PIP4K2C: variants seen among roughly 807,000 people sequenced by gnomAD.
PIP4K2C encodes phosphatidylinositol 5-phosphate 4-kinase type-2 gamma.
A neutral mutation model predicts 45.0 loss-of-function variants in PIP4K2C; 21 were observed. The ratio of observed to expected loss-of-function variants is 0.47; its 90% CI spans 0.33 to 0.67. The LOEUF (loss-of-function observed/expected upper bound fraction) is 0.67. PIP4K2C is among the 30% of genes least tolerant of loss of function. The pLI is 0.02. For synonymous variants in PIP4K2C, 201 were observed against 204.8 expected (o/e 0.98, Z 0.16); for missense variants, 456 against 542.8 (o/e 0.84, Z 1.59).
In PIP4K2C at chr12:57,599,048, C is replaced by G. The variant is rs762831731; in HGVS notation, c.514-17C>G. On this transcript the variant is annotated splice_polypyrimidine_tract_variant and intron_variant, in intron 4 of 9. Coordinates refer to ENST00000354947, the MANE Select transcript of PIP4K2C (RefSeq NM_024779.5). ...CTACTCAGCCTCTCCCCATTCCTTC[C>G]CCCTCTTTCACTGTAGTACATTGTG... 5 of 1,611,890 alleles carry G rather than the reference C, an allele frequency of 3.1e-6. No homozygotes were observed. Among genetic ancestry groups the G allele is most frequent in the Non-Finnish European group, 4.2e-6 (5 of 1,178,516 alleles).
chr12:57,600,500 C>T, intron 7 of PIP4K2C, 63 bp downstream of exon 7: 2 of 1,137,444 alleles, frequency 1.8e-6, no homozygotes, highest in Non-Finnish European at 2.6e-6. Context: ...GTAGTTGTCT[C>T]TTTCATTCAC....
In PIP4K2C at chr12:57,595,965, G is replaced by C; in HGVS notation, c.447G>C (p.Leu149=). The C allele has an allele frequency of 6.2e-7, 1 of 1,613,852 alleles. No individual in the cohort carries two copies. The highest frequency in any genetic ancestry group is 1.7e-5 in the Admixed American group (1 of 60,004). ...GRFLISYDRT[L]VIKEVSSEDI... is the part of the protein sequence containing the mutation. Reference sequence around the variant, plus strand: ...TCCTTATCTCCTACGATCGGACTCTGGTCATCAAAGAAGTATCCAGTGAGG... The same window carrying C: ...TCCTTATCTCCTACGATCGGACTCTCGTCATCAAAGAAGTATCCAGTGAGG... The change falls in exon 4 of 10, where the codon CTG becomes CTC. Residue 149 remains leucine, a synonymous_variant. Coordinates refer to ENST00000354947, the MANE Select transcript of PIP4K2C (RefSeq NM_024779.5).
At chr12:57,593,666 G>T (rs1883058621) in intron 1 of PIP4K2C, among the ~76,000 whole-genome samples, 1 of 132,174 alleles carries the variant, frequency 7.6e-6, no homozygotes, top group South Asian at 2.5e-4. Context: ...GCTGCCTTGA[G>T]CTTGCAGAGT....
At chr12:57,596,078 C>T in intron 4 of PIP4K2C, 47 bp downstream of exon 4, 1 of 1,576,872 alleles carries the variant, frequency 6.3e-7, no homozygotes, top group Non-Finnish European at 8.7e-7. Flanking sequence ...TCCCTACTCA[C>T]ATATAGCTCA....
At chr12:57,598,182 A>G (rs144791624) in intron 4 of PIP4K2C, 2,380 of 152,254 alleles carry the variant, frequency 0.016, 32 homozygotes, top group Non-Finnish European at 0.018. Context: ...AGTAGCTGGG[A>G]TTACAGGTGT....
intron 9 of PIP4K2C, 45 bp from the exon 10 acceptor site, chr12:57,601,481 G>C: frequency 6.4e-7 from 1 of 1,568,608 alleles, no homozygotes; most frequent in Non-Finnish European, 8.8e-7. Flanking sequence ...GATGGGGACG[G>C]GTGCTAGGGT....
At position 57,601,254 on chromosome 12, in the gene PIP4K2C, A is replaced by G. The variant is rs746604542; in HGVS notation, c.1091A>G (p.Gln364Arg). 2 of 1,612,576 alleles carry G rather than the reference A, an allele frequency of 1.2e-6. No homozygotes were observed. Among genetic ancestry groups the G allele is most frequent in the Non-Finnish European group, 1.7e-6 (2 of 1,179,024 alleles). Residue 364 changes from glutamine to arginine, a missense_variant, in exon 9 of 10, where the codon CAG becomes CGG. Around this residue, in one of 2 missense-constraint regions of PIP4K2C, gnomAD observed 421 missense variants for 473.1 expected, o/e 0.89. Transcript: ENST00000354947. ...YAIRSAEGAPQKEVYFMGLID... is the reference protein window; with the variant it reads ...YAIRSAEGAPRKEVYFMGLID... ...TTGGTCTCTCTCCCAGGAGCCCCCCAGAAGGAGGTCTACTTCATGGGCCTC... is the reference window on the plus strand; with the variant it reads ...TTGGTCTCTCTCCCAGGAGCCCCCCGGAAGGAGGTCTACTTCATGGGCCTC...
At position 57,602,057 on chromosome 12, in the gene PIP4K2C, T is replaced by A. The variant is rs953778574; in HGVS notation, c.*451T>A. On this transcript the variant is annotated 3_prime_UTR_variant, in exon 10 of 10. Transcript: ENST00000354947. ...AGTGTCTGAATTTTGCTGATAACTT[T>A]ATAAAACTCACTATGGCATGCTTCC... The A allele has an allele frequency of 5.4e-6, 1 of 186,598 alleles. No individual in the cohort carries two copies. The highest frequency in any genetic ancestry group is 2.4e-5 in the African/African-American group (1 of 42,480). The allele number at this position is 186,598 out of a possible 1,614,324, so 11.6% of individuals were successfully genotyped here. A position where few individuals can be genotyped will look rare whatever the true frequency, so the allele number is the denominator to read the frequency against.
At chr12:57,597,299 G>A (rs1160710063) in intron 4 of PIP4K2C, among the ~76,000 whole-genome samples, 1 of 152,192 alleles carries the variant, frequency 6.6e-6, no homozygotes, top group East Asian at 1.9e-4. Flanking sequence ...CTGGGGGAGC[G>A]ATGGTGGTGG....
At position 57,601,555 on chromosome 12, in the gene PIP4K2C, G is replaced by A. The variant is rs148658107; in HGVS notation, c.1215G>A (p.Pro405=). 3.1e-5 allele frequency: 50 copies of A among 1,613,238 alleles called. No individual in the cohort carries two copies. In the African/African-American group the frequency reaches 4.1e-4, roughly 13 times the overall value. ...GGGCAGAGATCTCTACTGTCCATCC[G>A]GAGCAGTATGCTAAGCGATTCCTGG... ...GAGAEISTVH[P]EQYAKRFLDF... is the part of the protein sequence containing the mutation. The change falls in exon 10 of 10, where the codon CCG becomes CCA. Residue 405 remains proline (P), a synonymous_variant. Coordinates refer to ENST00000354947, the MANE Select transcript of PIP4K2C (RefSeq NM_024779.5).
In PIP4K2C at chr12:57,596,046, T is replaced by TA. The variant is rs1216671940; in HGVS notation, c.513+16dup. 6.2e-7 allele frequency: 1 copy of TA among 1,611,008 alleles called. No individual in the cohort carries two copies. Among genetic ancestry groups the TA allele is most frequent in the Non-Finnish European group, 8.5e-7 (1 of 1,177,162 alleles). Reference sequence around the variant, plus strand: ...ACTATCACCAGGTCAGGCCTCTCTCTAGCCCCATTCTTTCCCTCTCCTCCC... The same window carrying TA: ...ACTATCACCAGGTCAGGCCTCTCTCTAAGCCCCATTCTTTCCCTCTCCTCCC... On this transcript the variant is annotated intron_variant, in intron 4 of 9. Coordinates refer to ENST00000354947, the MANE Select transcript of PIP4K2C (RefSeq NM_024779.5).
chr12:57,602,955 C>CT lies in PIP4K2C; in HGVS notation c.*1362dup, dbSNP rs34140057. 3.9e-3 allele frequency: 576 copies of CT among 146,148 alleles called. 2 individuals are homozygous for CT. Among genetic ancestry groups the CT allele is most frequent in the Admixed American group, 5.1e-3 (75 of 14,644 alleles). The allele number at this position is 146,148 out of a possible 1,614,324, so 9.1% of individuals were successfully genotyped here. On this transcript the variant is annotated 3_prime_UTR_variant, in exon 10 of 10. Coordinates refer to ENST00000354947, the MANE Select transcript of PIP4K2C (RefSeq NM_024779.5). Reference sequence around the variant, plus strand: ...TCCTCCATCCCCCTTGAGGCTTCCACTTTTTTTTTTTTTAGACATAAAGCT... The same window carrying CT: ...TCCTCCATCCCCCTTGAGGCTTCCACTTTTTTTTTTTTTTAGACATAAAGCT...
At chr12:57,600,682 G>A in intron 7 of PIP4K2C, 129 bp from the exon 8 acceptor site, 1 of 1,185,426 alleles carries the variant, frequency 8.4e-7, no homozygotes, top group South Asian at 1.4e-5. Context: ...GCAGTGGTAT[G>A]CCCTGCAACC....
intron 4 of PIP4K2C, among the ~76,000 whole-genome samples, chr12:57,596,988 T>G (rs1269910304): frequency 6.6e-6 from 1 of 152,096 alleles, no homozygotes; most frequent in Non-Finnish European, 1.5e-5. Context: ...AAACAGCACT[T>G]GTAAGGCACA....
intron 1 of PIP4K2C, among the ~76,000 whole-genome samples, chr12:57,591,685 T>C (rs975791124): frequency 3.3e-5 from 5 of 152,218 alleles, no homozygotes; most frequent in Non-Finnish European, 5.9e-5. Flanking sequence ...TAGTTCCACC[T>C]TCCCCCCGTG....
In PIP4K2C at chr12:57,601,067, G is replaced by A. The variant is rs138963792; in HGVS notation, c.1070G>A (p.Arg357Gln). 267 of 1,613,374 alleles carry A rather than the reference G, an allele frequency of 1.7e-4. 4 individuals are homozygous for A. In the East Asian group the frequency reaches 4.1e-3, roughly 25 times the overall value. The change falls in exon 8 of 10, where the codon CGG becomes CAG. Residue 357 changes from arginine (R) to glutamine (Q), a missense_variant. Transcript: ENST00000354947. ...TCCTTCATTGATGTCTATGCCATCC[G>A]GAGTGCTGAAGGTGAGAGAACCGGG... ...FESFIDVYAI[R>Q]SAEGAPQKEV...
Position 57,602,955 on chromosome 12 carries a change from C to A in PIP4K2C, c.*1349C>A, listed in dbSNP as rs1883507882. ...TCCTCCATCCCCCTTGAGGCTTCCACTTTTTTTTTTTTTAGACATAAAGCT... is the reference window on the plus strand; with the variant it reads ...TCCTCCATCCCCCTTGAGGCTTCCAATTTTTTTTTTTTTAGACATAAAGCT... On this transcript the variant is annotated 3_prime_UTR_variant, in exon 10 of 10. Coordinates refer to ENST00000354947, the MANE Select transcript of PIP4K2C (RefSeq NM_024779.5). 3 of 146,438 alleles carry A rather than the reference C, an allele frequency of 2.0e-5. No homozygotes were observed. Among genetic ancestry groups the A allele is most frequent in the African/African-American group, 7.5e-5 (3 of 40,100 alleles). The allele number at this position is 146,438 out of a possible 1,614,324, so 9.1% of individuals were successfully genotyped here.
At position 57,599,193 on chromosome 12, in the gene PIP4K2C, C is replaced by T; in HGVS notation, c.642C>T (p.His214=). 2 of 1,614,182 alleles carry T rather than the reference C, an allele frequency of 1.2e-6. No individual in the cohort carries two copies. Among genetic ancestry groups the T allele is most frequent in the Non-Finnish European group, 1.7e-6 (2 of 1,180,042 alleles). ...RNMFSHRLPV[H]RKYDLKGSLV... The stretch of plus-strand genomic sequence containing the variant: ...TGTTTAGCCACCGTCTTCCTGTGCA[C>T]AGGAAGTATGACCTCAAGGTAAGAA... Residue 214 remains histidine (H), a synonymous_variant, in exon 5 of 10, where the codon CAC becomes CAT. Coordinates refer to ENST00000354947, the MANE Select transcript of PIP4K2C (RefSeq NM_024779.5).
rs1883515117 is a variant in PIP4K2C at position 57,603,079 on chromosome 12, G to T, written c.*1473G>T. ...AGAAGCCATGAGGCCATAGGGAGAA[G>T]CTCCCTCTCCCCTTCATCTTCTGCT... On this transcript the variant is annotated 3_prime_UTR_variant, in exon 10 of 10. Transcript: ENST00000354947. The T allele has an allele frequency of 6.6e-6, 1 of 152,396 alleles. No individual in the cohort carries two copies. The highest frequency in any genetic ancestry group is 2.1e-4 in the South Asian group (1 of 4,834). The allele number at this position is 152,396 out of a possible 1,614,324, so 9.4% of individuals were successfully genotyped here.
Sources: gnomAD v4.1 joint callset for allele counts (sites outside exome capture counted in the v4.1 genomes callset) on GRCh38, gnomAD v4.1.1 for gene constraint, gnomAD v4.1.1 regional missense constraint, MANE v1.5 for transcripts, NCBI Gene and HGNC (gene_info 2026-07-23, HGNC 2026-07-21) for gene names.